Variants in MTTP observed in about 807,000 individuals in gnomAD.
MTTP encodes the protein microsomal triglyceride transfer protein large subunit.
In MTTP, 49 loss-of-function variants were observed where a neutral mutation model predicts 90.6. That is an observed-to-expected ratio of 0.54 (90% CI 0.43 to 0.69). The LOEUF (loss-of-function observed/expected upper bound fraction) is 0.69. Among genes scored for constraint, MTTP ranks in the 30% least tolerant of loss-of-function variants. The pLI is 0.00. For missense variants in MTTP, 945 were observed against 1,067.5 expected (o/e 0.89, Z 1.60); for synonymous variants, 347 against 384.2 (o/e 0.90, Z 1.13).
chr4:99,600,880 A>G (rs1725680169), intron 9 of MTTP, 147 bp downstream of exon 9: 6 of 773,574 alleles, frequency 7.8e-6, no homozygotes, highest in Non-Finnish European at 1.2e-5. Flanking sequence ...TTTTCTATCC[A>G]CTAATTATTA....
upstream of MTTP, among the ~76,000 whole-genome samples, chr4:99,573,823 A>AT (rs1307666688): frequency 6.6e-6 from 1 of 152,108 alleles, no homozygotes; most frequent in Non-Finnish European, 1.5e-5. Flanking sequence ...TTGCTGGCAC[A>AT]TTTTTTCCCT....
At chr4:99,579,341 G>A (rs1725041475) in intron 1 of MTTP, among the ~76,000 whole-genome samples, 1 of 152,040 alleles carries the variant, frequency 6.6e-6, no homozygotes, top group African/African-American at 2.4e-5. Context: ...CCTTCACTGT[G>A]TCTTTTACTT....
intron 15 of MTTP, among the ~76,000 whole-genome samples, chr4:99,614,866 C>T (rs77805285): frequency 2.0e-3 from 312 of 152,276 alleles, no homozygotes; most frequent in Non-Finnish European, 3.6e-3. Flanking sequence ...GGTGTCTGAA[C>T]AAAATTGTTT....
At chr4:99,620,526 T>C (rs893797686) in intron 16 of MTTP, among the ~76,000 whole-genome samples, 12 of 152,246 alleles carry the variant, frequency 7.9e-5, no homozygotes, top group African/African-American at 2.7e-4. Context: ...TAAGAATGAT[T>C]TTTTGTAACA....
intron 15 of MTTP, among the ~76,000 whole-genome samples, chr4:99,614,732 G>C (rs923760070): frequency 6.6e-6 from 1 of 152,204 alleles, no homozygotes; most frequent in Non-Finnish European, 1.5e-5. Context: ...GGAAGGATAA[G>C]AGGTCACAGA....
intron 15 of MTTP, 84 bp from the exon 16 acceptor site, chr4:99,618,890 G>A: frequency 6.5e-7 from 1 of 1,532,540 alleles, no homozygotes; most frequent in Admixed American, 1.7e-5. Context: ...ATCTACAGCA[G>A]GAGGTCAAAT....
intron 3 of MTTP, 121 bp from the exon 4 acceptor site, chr4:99,589,522 G>A: frequency 1.4e-6 from 1 of 698,078 alleles, no homozygotes; most frequent in Non-Finnish European, 2.6e-6. Context: ...GATTTGGAGT[G>A]TCAGATCTCT....
At chr4:99,587,777 C>T (rs1725293206) in intron 3 of MTTP, among the ~76,000 whole-genome samples, 1 of 152,026 alleles carries the variant, frequency 6.6e-6, no homozygotes. Flanking sequence ...TAGTTATGAA[C>T]TTCTAATGGT....
intron 17 of MTTP, among the ~76,000 whole-genome samples, 178 bp from the exon 18 acceptor site, chr4:99,622,499 T>A (rs778838591): frequency 1.8e-4 from 28 of 152,156 alleles, no homozygotes; most frequent in Non-Finnish European, 3.4e-4. Flanking sequence ...AGTGTTTCTG[T>A]TGATATAAAA....
chr4:99,594,362 T>G (rs1725498491), intron 6 of MTTP, among the ~76,000 whole-genome samples: 1 of 152,162 alleles, frequency 6.6e-6, no homozygotes, highest in African/African-American at 2.4e-5. Flanking sequence ...AAATAAGATT[T>G]TCTAGCTGTC....
intron 10 of MTTP, among the ~76,000 whole-genome samples, chr4:99,602,213 T>A (rs1725716745): frequency 6.6e-6 from 1 of 152,160 alleles, no homozygotes; most frequent in Non-Finnish European, 1.5e-5. Context: ...TTACTTTTAA[T>A]CACAGAGAAC....
At chr4:99,586,428 T>C (rs2110214452) in intron 3 of MTTP, among the ~76,000 whole-genome samples, 1 of 152,244 alleles carries the variant, frequency 6.6e-6, no homozygotes, top group East Asian at 1.9e-4. Context: ...TTTGTGTTGA[T>C]TAAATTAACC....
chr4:99,608,861 T>C lies in MTTP; in HGVS notation c.1653T>C (p.Asn551=), dbSNP rs1725883654. 6.2e-7 allele frequency: 1 copy of C among 1,614,096 alleles called. No individual in the cohort carries two copies. Among genetic ancestry groups the C allele is most frequent in the Non-Finnish European group, 8.5e-7 (1 of 1,179,968 alleles). ...TAAAAIILNN[N]PSYMDVKNIL... ...CAGCTGCTATCATTTTAAATAACAA[T>C]CCATCCTACATGGACGTCAAGAACA... Residue 551 remains asparagine (N), a synonymous_variant, in exon 12 of 18, where the codon AAT becomes AAC. Transcript: ENST00000265517.
intron 17 of MTTP, 35 bp downstream of exon 17, chr4:99,621,266 A>AG (rs1726224524): frequency 5.0e-6 from 8 of 1,607,632 alleles, no homozygotes; most frequent in African/African-American, 2.7e-5. Context: ...TTCCAGGACC[A>AG]TCCCCAGTGC....
rs150319930 is a variant in MTTP at position 99,591,276 on chromosome 4, T to G, written c.543T>G (p.His181Gln). 6.2e-7 allele frequency: 1 copy of G among 1,614,026 alleles called. No homozygotes were observed. The highest frequency in any genetic ancestry group is 1.7e-5 in the Admixed American group (1 of 60,022). Residue 181 changes from histidine to glutamine, a missense_variant, in exon 5 of 18, where the codon CAT (histidine) becomes CAG (glutamine). His to Gln is a conservative substitution (Grantham distance 24, BLOSUM62 0). Transcript: ENST00000265517. The stretch of plus-strand genomic sequence containing the variant: ...ATTGTAAAGTGACCTACCAGGCTCA[T>G]CAAGACAAAGTGATCAAAATTAAGG... ...SGNCKVTYQA[H>Q]QDKVIKIKAL...
chr4:99,601,602 A>C lies in MTTP; in HGVS notation c.1237-5A>C. 1 of 1,596,984 alleles carries C rather than the reference A, an allele frequency of 6.3e-7. No homozygotes were observed. The highest frequency in any genetic ancestry group is 8.6e-7 in the Non-Finnish European group (1 of 1,164,728). On this transcript the variant is annotated splice_polypyrimidine_tract_variant and splice_region_variant and intron_variant, in intron 9 of 17. Transcript: ENST00000265517. ...TAACCTATTTTATCCCTGTTTGGTT[A>C]ATAGAGTAAGTTCAAAGGTTCTATT...
At chr4:99,570,632 G>A (rs997993829), upstream of MTTP, 6 of 453,656 alleles carry the variant, frequency 1.3e-5, no homozygotes, top group African/African-American at 8.0e-5. Context: ...CTAAGTTAAG[G>A]TTGTAGATGA....
chr4:99,621,235 A>C lies in MTTP; in HGVS notation c.2513+4A>C. The C allele has an allele frequency of 6.2e-7, 1 of 1,613,960 alleles. No individual in the cohort carries two copies. The highest frequency in any genetic ancestry group is 8.5e-7 in the Non-Finnish European group (1 of 1,179,840). ...ACAAGGATGAAGCTCCATTCAGGTA[A>C]GATGCAGCGTTCAGGTCATGTTCCA... On this transcript the variant is annotated splice_donor_region_variant and intron_variant, in intron 17 of 17. Transcript: ENST00000265517.
At chr4:99,601,982 T>G (rs1372289631) in intron 10 of MTTP, among the ~76,000 whole-genome samples, 1 of 152,118 alleles carries the variant, frequency 6.6e-6, no homozygotes, top group Non-Finnish European at 1.5e-5. Context: ...TCCCGGTACA[T>G]AGATAATATT....
Sources: gnomAD v4.1 joint callset for allele counts (sites outside exome capture counted in the v4.1 genomes callset) on GRCh38, gnomAD v4.1.1 for gene constraint, MANE v1.5 for transcripts, NCBI Gene and HGNC (gene_info 2026-07-23, HGNC 2026-07-21) for gene names.